Variants in DAZAP2 observed in about 807,000 individuals in gnomAD.
DAZAP2 encodes DAZ associated protein 2.
In DAZAP2, 3 loss-of-function variants were observed where a neutral mutation model predicts 16.2. That is an observed-to-expected ratio of 0.19 (90% CI 0.08 to 0.48). The LOEUF is 0.48. DAZAP2 is among the 20% of genes least tolerant of loss of function. The probability of loss-of-function intolerance (pLI) is 0.98; values close to 1 mark genes in which losing one functional copy is unlikely to be tolerated. For synonymous variants in DAZAP2, 69 were observed against 77.6 expected (o/e 0.89, Z 0.58); for missense variants, 172 against 215.9 (o/e 0.80, Z 1.27).
At chr12:51,246,440 A>G, downstream of DAZAP2, 1 of 436,192 alleles carries the variant, frequency 2.3e-6, no homozygotes. Flanking sequence ...GAAGTGGTTT[A>G]TCTGATCCTC....
chr12:51,246,172 G>A (rs1256185282), downstream of DAZAP2: 6 of 1,600,270 alleles, frequency 3.7e-6, no homozygotes, highest in East Asian at 4.5e-5. Flanking sequence ...GGATGTCTCA[G>A]TAGTTCCTGG....
At chr12:51,239,017 T>G (rs1592224804) in intron 1 of DAZAP2, 97 bp downstream of exon 1, 1 of 1,543,478 alleles carries the variant, frequency 6.5e-7, no homozygotes, top group East Asian at 2.3e-5. Flanking sequence ...AGGTTTGGGG[T>G]GGGCTGCGCC....
chr12:51,242,536 A>G lies in DAZAP2; in HGVS notation c.*78A>G, dbSNP rs758289456. 14 of 1,613,214 alleles carry G rather than the reference A, an allele frequency of 8.7e-6. No homozygotes were observed. The highest frequency in any genetic ancestry group is 3.3e-5 in the South Asian group (3 of 91,044). On this transcript the variant is annotated 3_prime_UTR_variant, in exon 4 of 4. Transcript: ENST00000412716. ...CTCACAATGTAACTGCTTTAGTCAT[A>G]TTAACCTGAAGTTGCAGTTTAGACA...
chr12:51,246,604 C>CTGTGTGTGTGTG (rs59561227), downstream of DAZAP2: 2,385 of 338,030 alleles, frequency 7.1e-3, 42 homozygotes, highest in Admixed American at 0.023. Flanking sequence ...TCTTTTATGG[C>CTGTGTGTGTGTG]TGTGTGTGTG....
rs1236452826 is a variant in DAZAP2 at position 51,243,844 on chromosome 12, T to C, written c.*1386T>C. The stretch of plus-strand genomic sequence containing the variant: ...TTAGATTTCTTCTATATATATTTTA[T>C]TTATATCCCATCTAGAATTCAGCTA... On this transcript the variant is annotated 3_prime_UTR_variant, in exon 4 of 4. Transcript: ENST00000412716. The C allele has an allele frequency of 2.0e-6, 2 of 985,012 alleles. No individual in the cohort carries two copies. Among genetic ancestry groups the C allele is most frequent in the Non-Finnish European group, 2.4e-6 (2 of 829,608 alleles). 61.0% of individuals were successfully genotyped at this position (985,012 alleles called of 1,614,324 possible).
At chr12:51,241,585 G>A (rs1171739182) in intron 3 of DAZAP2, among the ~76,000 whole-genome samples, 1 of 152,152 alleles carries the variant, frequency 6.6e-6, no homozygotes, top group African/African-American at 2.4e-5. Context: ...GGGATTTAGA[G>A]CTCAAATGAC....
chr12:51,246,282 T>C, downstream of DAZAP2: 1 of 984,510 alleles, frequency 1.0e-6, no homozygotes, highest in South Asian at 1.8e-5. Context: ...AACCCCAATT[T>C]CCATGGCACA....
Position 51,242,479 on chromosome 12 carries a change from G to A in DAZAP2, c.*21G>A, listed in dbSNP as rs1356278307. On this transcript the variant is annotated 3_prime_UTR_variant, in exon 4 of 4. Transcript: ENST00000412716. ...GGTGAGGAACCAAGGCCACCTCTGT[G>A]CCGGGAAAGACATCACATACCTTCA... 2 of 1,613,886 alleles carry A rather than the reference G, an allele frequency of 1.2e-6. No individual in the cohort carries two copies. The highest frequency in any genetic ancestry group is 3.3e-5 in the Admixed American group (2 of 60,008).
Position 51,242,361 on chromosome 12 carries a change from C to T in DAZAP2, c.410C>T (p.Ala137Val), listed in dbSNP as rs754899504. The change falls in exon 4 of 4, where the codon GCT becomes GTT. Residue 137 changes from alanine to valine, a missense_variant. Ala to Val is a moderately conservative substitution (Grantham distance 64). Transcript: ENST00000412716. Reference protein sequence around the residue: ...PPPPGCPPNAAQLAVMQGANV... With the variant: ...PPPPGCPPNAVQLAVMQGANV... The stretch of plus-strand genomic sequence containing the variant: ...CCTCCTGGATGCCCTCCCAATGCTG[C>T]TCAGCTTGCAGTCATGCAGGGAGCC... 6.2e-6 allele frequency: 10 copies of T among 1,610,642 alleles called. No homozygotes were observed. The highest frequency in any genetic ancestry group is 8.5e-6 in the Non-Finnish European group (10 of 1,178,184).
chr12:51,240,535 G>A (rs977066877), intron 2 of DAZAP2, 74 bp downstream of exon 2: 4 of 1,275,924 alleles, frequency 3.1e-6, no homozygotes, highest in Non-Finnish European at 2.3e-6. Context: ...AGCTAAATCT[G>A]ACTTCACATA....
chr12:51,243,281 G>A lies in DAZAP2; in HGVS notation c.*823G>A. The stretch of plus-strand genomic sequence containing the variant: ...AAAGATGTCGTGCAAACTGTACTGT[G>A]AACAACAGTTGGTTTAAAATATGAG... On this transcript the variant is annotated 3_prime_UTR_variant, in exon 4 of 4. Transcript: ENST00000412716. 1 of 985,912 alleles carries A rather than the reference G, an allele frequency of 1.0e-6. No homozygotes were observed. Among genetic ancestry groups the A allele is most frequent in the Non-Finnish European group, 1.2e-6 (1 of 829,982 alleles). 61.1% of individuals were successfully genotyped at this position (985,912 alleles called of 1,614,324 possible).
chr12:51,246,220 C>T (rs2137292494), downstream of DAZAP2: 2 of 1,507,068 alleles, frequency 1.3e-6, no homozygotes, highest in East Asian at 4.6e-5. Flanking sequence ...TAAAGATCCT[C>T]TTGTTTTCAT....
At chr12:51,246,094 G>A (rs182062015), downstream of DAZAP2, 47 of 1,613,902 alleles carry the variant, frequency 2.9e-5, no homozygotes, top group East Asian at 7.1e-4. Context: ...CCGAGAGCAG[G>A]GTGAGGAAGA....
chr12:51,240,180 A>G, intron 1 of DAZAP2, 163 bp from the exon 2 acceptor site: 1 of 648,164 alleles, frequency 1.5e-6, no homozygotes, highest in East Asian at 2.6e-5. Flanking sequence ...TAAGGGTGCA[A>G]AGACAATGCA....
In DAZAP2 at chr12:51,240,311, T is replaced by C. The variant is rs773997909; in HGVS notation, c.14-32T>C. On this transcript the variant is annotated intron_variant, in intron 1 of 3. Transcript: ENST00000412716. ...GCCTCATTTTGGTAGCTCTGTGTAG[T>C]AGGCAACCTTCATTTTTTTCTTGTC... 2.5e-6 allele frequency: 4 copies of C among 1,574,546 alleles called. No individual in the cohort carries two copies. The East Asian group carries it at 9.0e-5, about 35-fold the overall frequency.
downstream of DAZAP2, chr12:51,246,104 A>G: frequency 6.2e-7 from 1 of 1,613,954 alleles, no homozygotes. Context: ...GGTGAGGAAG[A>G]CAACGGTGAT....
downstream of DAZAP2, chr12:51,245,991 T>G (rs553411410): frequency 8.1e-6 from 13 of 1,613,834 alleles, no homozygotes; most frequent in Non-Finnish European, 8.5e-6. Context: ...TCACTCTCCA[T>G]CTGGACGATG....
At chr12:51,244,600 A>C (rs1009122776), downstream of DAZAP2, 1 of 152,236 alleles carries the variant, frequency 6.6e-6, no homozygotes, top group African/African-American at 2.4e-5. Context: ...CAAAGTGAAC[A>C]ATATCTGATG....
At chr12:51,242,136 C>T (rs564654246) in intron 3 of DAZAP2, among the ~76,000 whole-genome samples, 194 bp from the exon 4 acceptor site, 3 of 152,174 alleles carry the variant, frequency 2.0e-5, no homozygotes, top group East Asian at 3.9e-4. Flanking sequence ...GTGGTAGGCT[C>T]CCTTTCCTGT....
Sources: gnomAD v4.1 joint callset for allele counts (sites outside exome capture counted in the v4.1 genomes callset) on GRCh38, gnomAD v4.1.1 for gene constraint, MANE v1.5 for transcripts, NCBI Gene and HGNC (gene_info 2026-07-23, HGNC 2026-07-21) for gene names.